ERAP2: variants seen among roughly 807,000 people sequenced by gnomAD.
The protein encoded by ERAP2 is endoplasmic reticulum aminopeptidase 2.
A neutral mutation model predicts 111.1 loss-of-function variants in ERAP2; 118 were observed. The observed-to-expected ratio is 1.06, with a 90% CI of 0.92 to 1.24. The LOEUF (loss-of-function observed/expected upper bound fraction) is 1.24. Ranked by LOEUF, ERAP2 falls within the 50% of genes most tolerant of loss-of-function variation. ERAP2 has a pLI of 0.00. For synonymous variants in ERAP2, 410 were observed against 401.2 expected, an observed-to-expected ratio of 1.02 and a Z score of -0.26; for missense variants, 1,131 against 1,125.8, an observed-to-expected ratio of 1.00 and a Z score of -0.07.
At chr5:96,900,665 A>C (rs1785352255) in intron 10 of ERAP2, among the ~76,000 whole-genome samples, 1 of 152,044 alleles carries the variant, frequency 6.6e-6, no homozygotes, top group Admixed American at 6.6e-5. Context: ...CCCTGAATAT[A>C]TATATACATA....
chr5:96,901,432 G>A, intron 10 of ERAP2, 74 bp from the exon 11 acceptor site: 1 of 1,499,176 alleles, frequency 6.7e-7, no homozygotes, highest in Non-Finnish European at 9.1e-7. Context: ...CATCCAAGGA[G>A]ATGGAAGTTT....
At position 96,879,904 on chromosome 5, in the gene ERAP2, C is replaced by A. The variant is rs371722634; in HGVS notation, c.219C>A (p.Val73=). 8.7e-6 allele frequency: 14 copies of A among 1,614,010 alleles called. No homozygotes were observed. The highest frequency in any genetic ancestry group is 1.3e-5 in the African/African-American group (1 of 74,924). The change falls in exon 2 of 19, where the codon GTC becomes GTA. Residue 73 remains valine, a synonymous_variant. Coordinates refer to ENST00000437043, the MANE Select transcript of ERAP2 (RefSeq NM_022350.5). The part of the protein sequence containing the change: ...PWQELRLPSV[V]IPLHYDLFVH... The stretch of plus-strand genomic sequence containing the variant: ...AGGAGCTAAGGCTCCCCAGTGTGGT[C>A]ATTCCTCTCCATTATGACCTCTTTG...
chr5:96,917,533 G>A lies in ERAP2; in HGVS notation c.2811G>A (p.Thr937=), dbSNP rs778781386. The change falls in exon 19 of 19, where the codon ACG becomes ACA. Residue 937 remains threonine, a synonymous_variant. Coordinates refer to ENST00000437043, the MANE Select transcript of ERAP2 (RefSeq NM_022350.5). ...HLDIFQTVLE[T]ITKNIKWLEK... ...ATATTTTTCAAACTGTTCTGGAAAC[G>A]ATAACCAAAAATATAAAATGGCTGG... 6 of 1,613,732 alleles carry A rather than the reference G, an allele frequency of 3.7e-6. No individual in the cohort carries two copies. Among genetic ancestry groups the A allele is most frequent in the South Asian group, 2.2e-5 (2 of 91,062 alleles).
chr5:96,896,537 C>A, intron 8 of ERAP2, 33 bp downstream of exon 8: 1 of 1,560,404 alleles, frequency 6.4e-7, no homozygotes, highest in Non-Finnish European at 8.6e-7. Flanking sequence ...GGAAGCTCTG[C>A]TTTCAGAAGT....
chr5:96,885,799 A>G (rs1040917844), intron 3 of ERAP2, among the ~76,000 whole-genome samples: 1 of 152,210 alleles, frequency 6.6e-6, no homozygotes, highest in Non-Finnish European at 1.5e-5. Context: ...GCATTGTACC[A>G]TGGTGAAGAC....
chr5:96,884,950 G>T (rs1783574608), intron 3 of ERAP2, among the ~76,000 whole-genome samples: 1 of 97,660 alleles, frequency 1.0e-5, no homozygotes. Context: ...CTAGCAGTCA[G>T]TGTTTTGTAC....
intron 5 of ERAP2, 61 bp downstream of exon 5, chr5:96,889,366 TC>T (rs774868811): frequency 6.4e-7 from 1 of 1,561,194 alleles, no homozygotes; most frequent in South Asian, 1.1e-5. Context: ...TTTGATCTCT[TC>T]CCTCTTTCTC....
chr5:96,903,687 G>C (rs1374910310), intron 13 of ERAP2, 127 bp downstream of exon 13: 1 of 822,126 alleles, frequency 1.2e-6, no homozygotes, highest in East Asian at 2.7e-5. Context: ...TTCAAACAGT[G>C]ATCACTAGGC....
intron 2 of ERAP2, among the ~76,000 whole-genome samples, chr5:96,883,580 T>C (rs890891967): frequency 1.3e-5 from 2 of 152,184 alleles, no homozygotes; most frequent in Non-Finnish European, 1.5e-5. Context: ...TAATTAGCAT[T>C]CCCAAAACAG....
chr5:96,879,221 C>T (rs1782887275), intron 1 of ERAP2, among the ~76,000 whole-genome samples: 1 of 152,106 alleles, frequency 6.6e-6, no homozygotes, highest in African/African-American at 2.4e-5. Context: ...AAGACCCTGT[C>T]TAAAACATAA....
rs761344500 is a variant in ERAP2 at position 96,886,711 on chromosome 5, A to G, written c.771A>G (p.Val257=). 1.1e-5 allele frequency: 17 copies of G among 1,553,356 alleles called. No homozygotes were observed. Among genetic ancestry groups the G allele is most frequent in the Non-Finnish European group, 1.5e-5 (17 of 1,137,810 alleles). The change falls in exon 4 of 19, where the codon GTA becomes GTG. Residue 257 remains valine, a synonymous_variant. Transcript: ENST00000437043. ...TGGAAGATCACTTTGAAACTACTGTAAAAATGAGTACATACCTTGTAGCCT... is the reference window on the plus strand; with the variant it reads ...TGGAAGATCACTTTGAAACTACTGTGAAAATGAGTACATACCTTGTAGCCT... ...GLLEDHFETT[V]KMSTYLVAYI...
intron 7 of ERAP2, among the ~76,000 whole-genome samples, chr5:96,895,808 T>C (rs564273033): frequency 1.3e-5 from 2 of 152,288 alleles, no homozygotes; most frequent in South Asian, 4.1e-4. Context: ...TACGTCTTTT[T>C]TAAAAACGAA....
Position 96,892,357 on chromosome 5 carries a change from A to G in ERAP2, c.1029A>G (p.Thr343=), listed in dbSNP as rs1192136135. The change falls in exon 6 of 19, where the codon ACA becomes ACG. Residue 343 remains threonine, a synonymous_variant. Coordinates refer to ENST00000437043, the MANE Select transcript of ERAP2 (RefSeq NM_022350.5). The part of the protein sequence containing the change: ...PGAMENWGLI[T]YRETSLLFDP... ...CCATGGAAAATTGGGGCCTCATTAC[A>G]TATAGGGAGACGTCACTGCTTTTTG... is the stretch of plus-strand genomic sequence containing the variant. 1 of 1,613,938 alleles carries G rather than the reference A, an allele frequency of 6.2e-7. No individual in the cohort carries two copies. The highest frequency in any genetic ancestry group is 1.7e-5 in the Admixed American group (1 of 59,986).
At chr5:96,891,574 C>T (rs1559359) in intron 5 of ERAP2, among the ~76,000 whole-genome samples, 80,830 of 136,936 alleles carry the variant, frequency 0.59, 23,067 homozygotes, top group Middle Eastern at 0.71. Context: ...ATATATGGTA[C>T]ACACACACAC....
At chr5:96,900,917 G>A (rs1318896258) in intron 10 of ERAP2, among the ~76,000 whole-genome samples, 3 of 152,106 alleles carry the variant, frequency 2.0e-5, no homozygotes, top group East Asian at 3.9e-4. Context: ...CGCCCACCTT[G>A]GCCTCCCAAA....
chr5:96,900,970 T>C (rs188823428), intron 10 of ERAP2, among the ~76,000 whole-genome samples: 11 of 152,240 alleles, frequency 7.2e-5, no homozygotes, highest in Admixed American at 6.5e-4. Flanking sequence ...TGGCCCTAAA[T>C]TGTGTTTTCT....
chr5:96,892,408 T>G lies in ERAP2; in HGVS notation c.1080T>G (p.Asp360Glu). The G allele has an allele frequency of 2.5e-6, 4 of 1,614,050 alleles. No individual in the cohort carries two copies. Among genetic ancestry groups the G allele is most frequent in the South Asian group, 1.1e-5 (1 of 91,084 alleles). Residue 360 changes from aspartate to glutamate, a missense_variant, in exon 6 of 19, where the codon GAT (aspartate) becomes GAG (glutamate). This residue lies in a region of ERAP2 where 847 missense variants were observed against 856.5 expected (regional missense o/e 0.99). Coordinates refer to ENST00000437043, the MANE Select transcript of ERAP2 (RefSeq NM_022350.5). ...LFDPKTSSAS[D>E]KLWVTRVIAH... The stretch of plus-strand genomic sequence containing the variant: ...ACCCCAAGACCTCTTCTGCTTCCGA[T>G]AAACTGTGGGTCACCAGAGTCATAG...
intron 10 of ERAP2, among the ~76,000 whole-genome samples, chr5:96,900,523 T>G (rs1451228513): frequency 6.6e-6 from 1 of 152,170 alleles, no homozygotes; most frequent in African/African-American, 2.4e-5. Context: ...CTGTTAGGTT[T>G]GGAAATACAG....
intron 4 of ERAP2, among the ~76,000 whole-genome samples, chr5:96,887,303 C>CT (rs34313928): frequency 0.54 from 74,306 of 137,470 alleles, 20,150 homozygotes; most frequent in Middle Eastern, 0.61. Flanking sequence ...TTGTTTCCGA[C>CT]TTTTTTTTTT....
Sources: allele counts gnomAD v4.1 joint callset (sites outside exome capture counted in the v4.1 genomes callset), GRCh38; gene constraint gnomAD v4.1.1; regional missense constraint gnomAD v4.1.1; transcripts MANE v1.5; gene names NCBI Gene and HGNC (gene_info 2026-07-23, HGNC 2026-07-21).